LRCH3: variants seen among roughly 807,000 people sequenced by gnomAD.
The protein encoded by LRCH3 is leucine rich repeats and calponin homology domain containing 3.
In LRCH3, 68 loss-of-function variants were observed where a neutral mutation model predicts 104.5. The observed-to-expected ratio is 0.65, with a 90% CI of 0.54 to 0.80. The LOEUF is 0.80. LRCH3 is among the 30% of genes least tolerant of loss of function. The pLI, the probability that LRCH3 is intolerant of heterozygous loss-of-function variation, is 0.00. For missense variants in LRCH3, 951 were observed against 953.9 expected, an observed-to-expected ratio of 1.00 and a Z score of 0.04; for synonymous variants, 344 against 361.3, an observed-to-expected ratio of 0.95 and a Z score of 0.54.
At position 197,810,938 on chromosome 3, in the gene LRCH3, T is replaced by A. The variant is rs1026353295; in HGVS notation, c.263-3970T>A. Among the ~76,000 whole-genome samples, 5 of 152,226 alleles carry A rather than the reference T, an allele frequency of 3.3e-5. No individual in the cohort carries two copies. Among genetic ancestry groups the A allele is most frequent in the Admixed American group, 3.3e-4 (5 of 15,288 alleles). On this transcript the variant is annotated intron_variant, in intron 1 of 20. Transcript: ENST00000425562. The surrounding 1 kb of genome is among the most constrained non-coding windows in gnomAD (Gnocchi z 4.0). Reference sequence around the variant, plus strand: ...ACTATGTTTTGTGATCTCCCTGGGTTACATAATTAATATTAATAGCTAAAA... The same window carrying A: ...ACTATGTTTTGTGATCTCCCTGGGTAACATAATTAATATTAATAGCTAAAA...
At position 197,839,315 on chromosome 3, in the gene LRCH3, GC is replaced by G. The variant is rs763515237; in HGVS notation, c.1252-4del. The G allele has an allele frequency of 7.0e-6, 11 of 1,581,604 alleles. No individual in the cohort carries two copies. Among genetic ancestry groups the G allele is most frequent in the Non-Finnish European group, 9.4e-6 (11 of 1,164,170 alleles). The stretch of plus-strand genomic sequence containing the variant: ...TAAATTTATTTATTTCTGTCCTCTG[GC>G]CTAGGGTTCACCAGTAAAGCCAGTA... On this transcript the variant is annotated splice_region_variant and splice_polypyrimidine_tract_variant and intron_variant, in intron 9 of 20. Transcript: ENST00000425562.
At chr3:197,869,220 C>T (rs1419014157) in intron 17 of LRCH3, among the ~76,000 whole-genome samples, 4 of 152,108 alleles carry the variant, frequency 2.6e-5, no homozygotes, top group Non-Finnish European at 5.9e-5. Context: ...AAGTAGAAAG[C>T]GATGCACTGT....
chr3:197,833,374 A>AAAG (rs1736235562), intron 8 of LRCH3, among the ~76,000 whole-genome samples: 3 of 143,120 alleles, frequency 2.1e-5, no homozygotes, highest in African/African-American at 7.5e-5. Flanking sequence ...CGAAAAAAAA[A>AAAG]AAAAAAAAAA....
rs779975279 is a variant in LRCH3, at chr3:197,817,322, T to C, written c.534+20T>C. ...GAACTTGTAAGTTAATATTTTTGATTGTCCAACATGTGTGTGTGTGTGTCT... is the reference window on the plus strand; with the variant it reads ...GAACTTGTAAGTTAATATTTTTGATCGTCCAACATGTGTGTGTGTGTGTCT... On this transcript the variant is annotated intron_variant, in intron 3 of 20. Coordinates refer to ENST00000425562, the MANE Select transcript of LRCH3 (RefSeq NM_001365715.1). 7 of 981,304 alleles carry C rather than the reference T, an allele frequency of 7.1e-6. No homozygotes were observed. Among genetic ancestry groups the C allele is most frequent in the Non-Finnish European group, 9.3e-6 (7 of 750,176 alleles). The allele number at this position is 981,304 out of a possible 1,614,324, so 60.8% of individuals were successfully genotyped here. A position where few individuals can be genotyped will look rare whatever the true frequency, so the allele number is the denominator to read the frequency against.
At position 197,864,795 on chromosome 3, in the gene LRCH3, T is replaced by G. The variant is rs868088430; in HGVS notation, c.1717-628T>G. On this transcript the variant is annotated intron_variant, in intron 15 of 20. Coordinates refer to ENST00000425562, the MANE Select transcript of LRCH3 (RefSeq NM_001365715.1). Reference sequence around the variant, plus strand: ...CAGCACTTTGGGAGGCTGAGGCGGGTGCATCGCTTGAGCTCAGGAGGTTGA... The same window carrying G: ...CAGCACTTTGGGAGGCTGAGGCGGGGGCATCGCTTGAGCTCAGGAGGTTGA... Among the ~76,000 whole-genome samples the G allele has an allele frequency of 1.7e-4, 25 of 143,646 alleles. 1 individual carries two copies. The South Asian group carries it at 4.4e-3, about 25-fold the overall frequency. The allele number at this position is 143,646 out of a possible 152,430, so 94.2% of individuals were successfully genotyped here.
chr3:197,852,840 A>C (rs1037475935), intron 13 of LRCH3, among the ~76,000 whole-genome samples: 3 of 152,082 alleles, frequency 2.0e-5, no homozygotes, highest in African/African-American at 7.2e-5. Context: ...TCTAGAGATG[A>C]TATTTCCCTC....
At chr3:197,804,506 A>G (rs1732256136) in intron 1 of LRCH3, among the ~76,000 whole-genome samples, 1 of 152,208 alleles carries the variant, frequency 6.6e-6, no homozygotes, top group African/African-American at 2.4e-5. Context: ...TCCAGAGTGC[A>G]GAAATCCCAT....
chr3:197,837,791 A>T (rs1423348017), intron 9 of LRCH3, among the ~76,000 whole-genome samples: 1 of 152,140 alleles, frequency 6.6e-6, no homozygotes, highest in African/African-American at 2.4e-5. Flanking sequence ...TCACACCTGT[A>T]ATCCCAGCAC....
intron 1 of LRCH3, among the ~76,000 whole-genome samples, chr3:197,797,817 G>A (rs1580525482): frequency 1.4e-5 from 2 of 141,310 alleles, no homozygotes; most frequent in South Asian, 2.2e-4. Flanking sequence ...CTGAGATGGC[G>A]CCTCTGCACC....
At chr3:197,792,296 G>C (rs1730618000) in intron 1 of LRCH3, among the ~76,000 whole-genome samples, 1 of 151,822 alleles carries the variant, frequency 6.6e-6, no homozygotes, top group African/African-American at 2.4e-5. Flanking sequence ...AAACTACTTA[G>C]AAAAGATAGT....
chr3:197,858,099 A>G (rs1235789078), intron 14 of LRCH3, among the ~76,000 whole-genome samples: 1 of 152,104 alleles, frequency 6.6e-6, no homozygotes, highest in East Asian at 1.9e-4. Context: ...CTCTTTGTGA[A>G]AGTATTGTCT....
At chr3:197,805,447 C>T (rs1019310272) in intron 1 of LRCH3, among the ~76,000 whole-genome samples, 2 of 152,148 alleles carry the variant, frequency 1.3e-5, no homozygotes, top group Non-Finnish European at 2.9e-5. Flanking sequence ...GGGGGACACG[C>T]CTCCAAACTG....
chr3:197,791,561 C>G (rs2109070999), intron 1 of LRCH3, 21 bp downstream of exon 1: 1 of 1,522,198 alleles, frequency 6.6e-7, no homozygotes. Flanking sequence ...CGGGGGGCGT[C>G]TCTGCCCGTC....
At position 197,884,239 on chromosome 3, in the gene LRCH3, C is replaced by T. The variant is rs1359068983; in HGVS notation, c.*573C>T. ...GCATAATCTCAGCTCACTGCAACCT[C>T]CGCCTCCCGGGCTCAAGCGATTCTC... On this transcript the variant is annotated 3_prime_UTR_variant, in exon 21 of 21. Coordinates refer to ENST00000425562, the MANE Select transcript of LRCH3 (RefSeq NM_001365715.1). 1 of 152,404 alleles carries T rather than the reference C, an allele frequency of 6.6e-6. No homozygotes were observed. Among genetic ancestry groups the T allele is most frequent in the Non-Finnish European group, 1.5e-5 (1 of 68,176 alleles). The allele number at this position is 152,404 out of a possible 1,614,324, so 9.4% of individuals were successfully genotyped here. A position where few individuals can be genotyped will look rare whatever the true frequency, so the allele number is the denominator to read the frequency against.
At chr3:197,833,247 T>C (rs2109297810) in intron 8 of LRCH3, among the ~76,000 whole-genome samples, 1 of 151,358 alleles carries the variant, frequency 6.6e-6, no homozygotes, top group East Asian at 1.9e-4. Flanking sequence ...AGGCTGGGCG[T>C]GGTGGCTCAC....
At chr3:197,876,752 C>T (rs1394329533) in intron 20 of LRCH3, among the ~76,000 whole-genome samples, 1 of 152,136 alleles carries the variant, frequency 6.6e-6, no homozygotes, top group Non-Finnish European at 1.5e-5. Context: ...TGGGGCTCAT[C>T]AACAGCTCCA....
chr3:197,851,345 A>G (rs1468512454), intron 12 of LRCH3, among the ~76,000 whole-genome samples: 1 of 152,260 alleles, frequency 6.6e-6, no homozygotes, highest in African/African-American at 2.4e-5. Context: ...CAAAGCAGGA[A>G]AAAACATGAG....
chr3:197,878,725 C>T (rs1039576226), intron 20 of LRCH3, among the ~76,000 whole-genome samples: 2 of 152,170 alleles, frequency 1.3e-5, no homozygotes, highest in African/African-American at 2.4e-5. Context: ...CGCACAAACT[C>T]GTAGGTTCAA....
intron 15 of LRCH3, among the ~76,000 whole-genome samples, chr3:197,861,988 GTTTC>G (rs1194241664): frequency 2.0e-5 from 3 of 152,040 alleles, no homozygotes; most frequent in East Asian, 1.9e-4. Context: ...ATCTGTTGCT[GTTTC>G]TTTCTTTTTT....
Sources: gnomAD v4.1 joint callset for allele counts (sites outside exome capture counted in the v4.1 genomes callset) on GRCh38, gnomAD v4.1.1 for gene constraint, Gnocchi (gnomAD v3.1) non-coding constraint, MANE v1.5 for transcripts, NCBI Gene and HGNC (gene_info 2026-07-23, HGNC 2026-07-21) for gene names.